The following PTPRD variants were observed in gnomAD, a reference collection of about 807,000 sequenced individuals.
PTPRD encodes receptor-type tyrosine-protein phosphatase delta.
In PTPRD, 34 loss-of-function variants were observed where a neutral mutation model predicts 214.5. The ratio of observed to expected loss-of-function variants is 0.16; its 90% CI spans 0.12 to 0.21. The LOEUF (loss-of-function observed/expected upper bound fraction) is 0.21, where lower values mean the gene tolerates loss of function less well. PTPRD is among the 10% of genes least tolerant of loss of function. The pLI is 1.00. For missense variants in PTPRD, 2,545 were observed against 2,398.7 expected, an observed-to-expected ratio of 1.06 and a Z score of -1.27; for synonymous variants, 1,128 against 845.7, an observed-to-expected ratio of 1.33 and a Z score of -5.79.
chr9:10,156,501 G>A (rs2099094329), intron 3 of PTPRD, among the ~76,000 whole-genome samples: 3 of 152,158 alleles, frequency 2.0e-5, no homozygotes. Context: ...TGGTCCAAGA[G>A]AGTTGTTATG....
chr9:10,270,827 C>A (rs1372900774), intron 3 of PTPRD, among the ~76,000 whole-genome samples: 3 of 151,652 alleles, frequency 2.0e-5, no homozygotes, highest in Admixed American at 6.6e-5. Context: ...TATGTAAATT[C>A]TTTGTCATAA....
At chr9:9,803,569 C>T (rs1351455405) in intron 5 of PTPRD, 1 of 151,854 alleles carries the variant, frequency 6.6e-6, no homozygotes, top group Non-Finnish European at 1.5e-5. Context: ...AGAGTTAGTA[C>T]TGTTTTAATA....
intron 8 of PTPRD, among the ~76,000 whole-genome samples, chr9:9,541,023 A>C (rs2077480892): frequency 6.6e-6 from 1 of 151,846 alleles, no homozygotes; most frequent in Non-Finnish European, 1.5e-5. Flanking sequence ...ATAGAAAACA[A>C]ATACCTCGTT....
intron 2 of PTPRD, among the ~76,000 whole-genome samples, chr9:10,454,561 C>G (rs556934821): frequency 1.3e-5 from 2 of 151,670 alleles, no homozygotes; most frequent in Non-Finnish European, 3.0e-5. Context: ...TGAAAAGATA[C>G]AAACCATTAC....
intron 7 of PTPRD, among the ~76,000 whole-genome samples, chr9:9,648,499 T>A (rs1468493177): frequency 6.6e-6 from 1 of 152,224 alleles, no homozygotes; most frequent in Non-Finnish European, 1.5e-5. Context: ...CTGATGGTAA[T>A]TTTCACAAAT....
rs1555235581 is a variant in PTPRD, at chr9:10,372,836, C to CATCATTATTATT, written c.-599-31820_-599-31819insAATAATAATGAT. ...AGTATGCAAAATATTTGTTTTTATA[C>CATCATTATTATT]ATTATTATTATTATTATTAATTATT... On this transcript the variant is annotated intron_variant, in intron 2 of 45. Coordinates refer to ENST00000381196, the MANE Select transcript of PTPRD (RefSeq NM_002839.4). Among the ~76,000 whole-genome samples, 3 of 146,642 alleles carry CATCATTATTATT rather than the reference C, an allele frequency of 2.0e-5. No individual in the cohort carries two copies. In the East Asian group the frequency reaches 6.0e-4, roughly 29 times the overall value.
intron 2 of PTPRD, among the ~76,000 whole-genome samples, chr9:10,503,527 T>C (rs909938667): frequency 5.3e-5 from 8 of 152,088 alleles, no homozygotes; most frequent in Non-Finnish European, 8.8e-5. Flanking sequence ...GGGCAGGATA[T>C]ATAGAAAAAG....
chr9:10,369,590 C>T (rs142820310), intron 2 of PTPRD, among the ~76,000 whole-genome samples: 1 of 152,052 alleles, frequency 6.6e-6, no homozygotes, highest in East Asian at 1.9e-4. Context: ...AAAGAAATAC[C>T]CTAAAAGGAA....
chr9:10,607,360 C>A (rs1328183502), intron 2 of PTPRD, among the ~76,000 whole-genome samples: 4 of 151,762 alleles, frequency 2.6e-5, no homozygotes, highest in Admixed American at 1.3e-4. Flanking sequence ...TAAGTCATTT[C>A]TTTTTGACTG....
At chr9:8,836,587 C>CTTTTTT (rs34572407) in intron 11 of PTPRD, among the ~76,000 whole-genome samples, 8 of 66,814 alleles carry the variant, frequency 1.2e-4, no homozygotes, top group East Asian at 4.8e-4. Flanking sequence ...TAATAAAAAC[C>CTTTTTT]TTTTTTTTTT....
intron 30 of PTPRD, among the ~76,000 whole-genome samples, chr9:8,475,412 C>T (rs1304246771): frequency 6.6e-6 from 1 of 152,170 alleles, no homozygotes; most frequent in African/African-American, 2.4e-5. Flanking sequence ...GGCCCAGCTA[C>T]AATGGTGACA....
intron 2 of PTPRD, among the ~76,000 whole-genome samples, chr9:10,559,156 A>G (rs1322309): frequency 0.83 from 125,837 of 152,030 alleles, 52,349 homozygotes; most frequent in East Asian, 0.96. Flanking sequence ...GAAGAGAAAG[A>G]TTTCTTAAAA....
At chr9:9,558,705 T>A (rs1054657303) in intron 8 of PTPRD, among the ~76,000 whole-genome samples, 2 of 152,204 alleles carry the variant, frequency 1.3e-5, no homozygotes, top group South Asian at 4.1e-4. Flanking sequence ...GCTTATTAGC[T>A]ACTCCGTTTA....
At chr9:9,468,297 A>G (rs1159812570) in intron 8 of PTPRD, among the ~76,000 whole-genome samples, 2 of 152,060 alleles carry the variant, frequency 1.3e-5, no homozygotes, top group East Asian at 3.8e-4. Flanking sequence ...AAAGTTTATA[A>G]TATTGTCTTT....
At chr9:10,332,136 T>C (rs760066504) in intron 3 of PTPRD, among the ~76,000 whole-genome samples, 14 of 151,900 alleles carry the variant, frequency 9.2e-5, no homozygotes, top group African/African-American at 1.2e-4. Context: ...GTGAAAGTGT[T>C]GCTTCTTTTC....
chr9:9,309,163 A>T (rs574595591), intron 9 of PTPRD, among the ~76,000 whole-genome samples: 1 of 152,034 alleles, frequency 6.6e-6, no homozygotes, highest in African/African-American at 2.4e-5. Context: ...CATGTTGTCT[A>T]AGATGTAGCC....
intron 4 of PTPRD, among the ~76,000 whole-genome samples, chr9:10,003,279 T>A (rs530204592): frequency 6.6e-6 from 1 of 151,694 alleles, no homozygotes; most frequent in African/African-American, 2.4e-5. Context: ...GGAAGTGAGA[T>A]AAAGGTTAGA....
At position 8,620,495 on chromosome 9, in the gene PTPRD, G is replaced by C. The variant is rs77091730; in HGVS notation, c.352+12822C>G. 7.4e-3 allele frequency among the ~76,000 whole-genome samples: 1,130 copies of C among 152,048 alleles called. 8 individuals carry two copies. Among genetic ancestry groups the C allele is most frequent in the African/African-American group, 0.026 (1,074 of 41,514 alleles). On this transcript the variant is annotated intron_variant, in intron 14 of 45. Coordinates refer to ENST00000381196, the MANE Select transcript of PTPRD (RefSeq NM_002839.4). The stretch of plus-strand genomic sequence containing the variant: ...ATAGTGTCTAATGTCTTGATGAAAA[G>C]GTTATTTTGCATCAGTGATGGTGGT...
At chr9:8,615,672 GC>G (rs1288257279) in intron 14 of PTPRD, among the ~76,000 whole-genome samples, 1 of 151,910 alleles carries the variant, frequency 6.6e-6, no homozygotes, top group African/African-American at 2.4e-5. Flanking sequence ...ACACTCAGTG[GC>G]TTTTCCTGTC....
Sources: allele counts gnomAD v4.1 joint callset (sites outside exome capture counted in the v4.1 genomes callset), GRCh38; gene constraint gnomAD v4.1.1; transcripts MANE v1.5; gene names NCBI Gene and HGNC (gene_info 2026-07-23, HGNC 2026-07-21).